Variants in ANO2 observed in about 807,000 individuals in gnomAD.
The protein encoded by ANO2 is anoctamin 2, also known as anoctamin-2.
A neutral mutation model predicts 124.2 loss-of-function variants in ANO2; 101 were observed. That is an observed-to-expected ratio of 0.81 (90% confidence interval 0.69 to 0.96). The LOEUF (loss-of-function observed/expected upper bound fraction) is 0.96. Ranked by LOEUF, ANO2 falls within the 40% of genes least tolerant of loss-of-function variation. The pLI is 0.00. For synonymous variants in ANO2, 486 were observed against 482.5 expected (o/e 1.01, Z -0.09); for missense variants, 1,293 against 1,274.5 (o/e 1.01, Z -0.22).
chr12:5,843,690 G>A (rs567136015), intron 4 of ANO2, among the ~76,000 whole-genome samples: 9 of 152,244 alleles, frequency 5.9e-5, no homozygotes, highest in East Asian at 3.9e-4. Context: ...GAGGGAACGC[G>A]GGGCAATTCC....
chr12:5,597,613 A>G (rs1378968483), intron 20 of ANO2, among the ~76,000 whole-genome samples: 2 of 152,220 alleles, frequency 1.3e-5, no homozygotes, highest in East Asian at 3.9e-4. Flanking sequence ...AAATAGCTGA[A>G]CAGACAAGGT....
chr12:5,735,041 G>A (rs1027858991), intron 13 of ANO2, among the ~76,000 whole-genome samples: 1 of 152,208 alleles, frequency 6.6e-6, no homozygotes, highest in African/African-American at 2.4e-5. Flanking sequence ...GCTGCACTCA[G>A]CTGAAGCAGG....
intron 10 of ANO2, among the ~76,000 whole-genome samples, chr12:5,791,932 C>T (rs1253277920): frequency 6.6e-6 from 1 of 151,998 alleles, no homozygotes; most frequent in Non-Finnish European, 1.5e-5. Context: ...TAACTACAGC[C>T]ATTTATTTTA....
At position 5,585,643 on chromosome 12, in the gene ANO2, T is replaced by C. The variant is rs572568474; in HGVS notation, c.2234-7125A>G. 5.3e-5 allele frequency among the ~76,000 whole-genome samples: 8 copies of C among 152,336 alleles called. No homozygotes were observed. The East Asian group carries it at 5.8e-4, about 11-fold the overall frequency. On this transcript the variant is annotated intron_variant, in intron 20 of 24. Coordinates refer to ENST00000682330, the MANE Select transcript of ANO2 (RefSeq NM_001364791.2). ...ATGAATGGTCTGGCTTTCTCACTCT[T>C]GTTTACGTTATCCACCTGCAAGATG...
At chr12:5,863,554 G>A (rs566923399) in intron 3 of ANO2, among the ~76,000 whole-genome samples, 4 of 152,298 alleles carry the variant, frequency 2.6e-5, no homozygotes, top group African/African-American at 9.6e-5. Context: ...CCACTTGGAG[G>A]AGAGAAGGAT....
chr12:5,897,817 A>G (rs562421684), intron 3 of ANO2, among the ~76,000 whole-genome samples: 1 of 152,354 alleles, frequency 6.6e-6, no homozygotes, highest in South Asian at 2.1e-4. Context: ...GGAAGATAAC[A>G]AAGAATATAT....
At position 5,563,404 on chromosome 12, in the gene ANO2, T is replaced by C; in HGVS notation, c.2892A>G (p.Pro964=). The C allele has an allele frequency of 2.5e-6, 4 of 1,610,624 alleles. No individual in the cohort carries two copies. Among genetic ancestry groups the C allele is most frequent in the South Asian group, 1.1e-5 (1 of 90,398 alleles). Reference sequence around the variant, plus strand: ...GGCTCCTGCTTCGATCCCCACCTCCTGGGCTCCTCAGAGCCGGCTCATCCA... The same window carrying C: ...GGCTCCTGCTTCGATCCCCACCTCCCGGGCTCCTCAGAGCCGGCTCATCCA... The part of the protein sequence containing the change: ...KLMDEPALRS[P]GGGDRSRSRA... The change falls in exon 25 of 25, where the codon CCA becomes CCG. Residue 964 remains proline (P), a synonymous_variant. Coordinates refer to ENST00000682330, the MANE Select transcript of ANO2 (RefSeq NM_001364791.2).
chr12:5,826,437 CATATATATATATATATATATATATAT>C (rs10526567), intron 7 of ANO2, among the ~76,000 whole-genome samples: 6 of 144,258 alleles, frequency 4.2e-5, no homozygotes, highest in Admixed American at 6.8e-5. Context: ...TTAATAAACT[CATATATATATATATATATATATATAT>C]ATATATATAT....
At chr12:5,748,107 C>T (rs567212387) in intron 11 of ANO2, among the ~76,000 whole-genome samples, 21 of 152,146 alleles carry the variant, frequency 1.4e-4, no homozygotes, top group African/African-American at 2.9e-4. Context: ...TCTGTGTGCG[C>T]GTGCATGAGT....
intron 19 of ANO2, among the ~76,000 whole-genome samples, chr12:5,604,483 C>T (rs933576930): frequency 3.9e-5 from 6 of 152,054 alleles, no homozygotes; most frequent in African/African-American, 9.7e-5. Flanking sequence ...ATGGATAGAG[C>T]GTGCGTCAGA....
rs531545701 is a variant in ANO2 at position 5,728,944 on chromosome 12, T to C, written c.1545+3576A>G. 4.6e-5 allele frequency among the ~76,000 whole-genome samples: 7 copies of C among 152,266 alleles called. No individual in the cohort carries two copies. The East Asian group carries it at 9.6e-4, about 21-fold the overall frequency. On this transcript the variant is annotated intron_variant, in intron 14 of 24. Transcript: ENST00000682330. ...AACTGAATATCTACATGCAGAAAAA[T>C]ACATTTGAATACCCTCCTTAAATCA...
intron 7 of ANO2, among the ~76,000 whole-genome samples, chr12:5,812,469 AG>A (rs1565687969): frequency 2.1e-5 from 2 of 96,350 alleles, no homozygotes; most frequent in Non-Finnish European, 1.9e-5. Flanking sequence ...AAAGGAAGGA[AG>A]GGGGAGGAAG....
chr12:5,898,653 C>T lies in ANO2; in HGVS notation c.534+22387G>A, dbSNP rs116059632. On this transcript the variant is annotated intron_variant, in intron 3 of 24. Coordinates refer to ENST00000682330, the MANE Select transcript of ANO2 (RefSeq NM_001364791.2). ...GACACAAAATACATATTATACGATT[C>T]CATTTATACAAAGTTGAAAAACAGG... Among the ~76,000 whole-genome samples the T allele has an allele frequency of 1.9e-3, 286 of 152,280 alleles. 1 individual carries two copies. The highest frequency in any genetic ancestry group is 6.7e-3 in the African/African-American group (278 of 41,564).
At chr12:5,865,159 T>G (rs2137271620) in intron 3 of ANO2, among the ~76,000 whole-genome samples, 1 of 152,342 alleles carries the variant, frequency 6.6e-6, no homozygotes. Flanking sequence ...AAAGAATCTT[T>G]ACACTATTTT....
rs968890323 is a variant in ANO2 at position 5,694,488 on chromosome 12, A to G, written c.1545+38032T>C. ...ATCACCAGCTCCCGAGTGTCCCCACAAAGAGTTTACAGAGAAGCAAGTTTC... is the reference window on the plus strand; with the variant it reads ...ATCACCAGCTCCCGAGTGTCCCCACGAAGAGTTTACAGAGAAGCAAGTTTC... On this transcript the variant is annotated intron_variant, in intron 14 of 24. Coordinates refer to ENST00000682330, the MANE Select transcript of ANO2 (RefSeq NM_001364791.2). 9.2e-5 allele frequency among the ~76,000 whole-genome samples: 14 copies of G among 152,096 alleles called. 1 individual carries two copies. Among genetic ancestry groups the G allele is most frequent in the African/African-American group, 3.4e-4 (14 of 41,418 alleles).
chr12:5,841,007 A>G (rs1954496137), intron 4 of ANO2, among the ~76,000 whole-genome samples: 1 of 152,256 alleles, frequency 6.6e-6, no homozygotes, highest in East Asian at 1.9e-4. Context: ...AGGATGGAAG[A>G]TTCTGGAGCT....
chr12:5,864,836 C>T (rs892439229), intron 3 of ANO2, among the ~76,000 whole-genome samples: 1 of 152,172 alleles, frequency 6.6e-6, no homozygotes, highest in East Asian at 1.9e-4. Flanking sequence ...ACTTAATAGC[C>T]ATCAAACCTT....
intron 10 of ANO2, among the ~76,000 whole-genome samples, chr12:5,797,486 T>C (rs1278918021): frequency 6.6e-6 from 1 of 152,132 alleles, no homozygotes; most frequent in Non-Finnish European, 1.5e-5. Flanking sequence ...GTGTGCTCAC[T>C]GAGTCTAAGT....
chr12:5,599,770 A>G (rs543275393), intron 19 of ANO2, 141 bp from the exon 20 acceptor site: 47 of 937,110 alleles, frequency 5.0e-5, no homozygotes, highest in Non-Finnish European at 6.4e-5. Flanking sequence ...GAGAGACACT[A>G]AAGAGACTAC....
Sources: allele counts gnomAD v4.1 joint callset (sites outside exome capture counted in the v4.1 genomes callset), GRCh38; gene constraint gnomAD v4.1.1; transcripts MANE v1.5; gene names NCBI Gene and HGNC (gene_info 2026-07-23, HGNC 2026-07-21).